Variants in DSCAM observed in about 807,000 individuals in gnomAD.
The protein encoded by DSCAM is cell adhesion molecule DSCAM.
In DSCAM, 47 loss-of-function variants were observed where a neutral mutation model predicts 217.7. That is an observed-to-expected ratio of 0.22 (90% CI 0.17 to 0.28). The LOEUF (loss-of-function observed/expected upper bound fraction) is 0.28. Ranked by LOEUF, DSCAM falls within the 10% of genes least tolerant of loss-of-function variation. DSCAM has a pLI of 1.00. For synonymous variants in DSCAM, 1,056 were observed against 1,015.3 expected (o/e 1.04, Z -0.76); for missense variants, 2,080 against 2,618.3 (o/e 0.79, Z 4.49).
intron 11 of DSCAM, among the ~76,000 whole-genome samples, chr21:40,209,022 G>T (rs2091155501): frequency 6.6e-6 from 1 of 152,204 alleles, no homozygotes; most frequent in African/African-American, 2.4e-5. Flanking sequence ...AAATGAGCGG[G>T]CACTATTTTG....
chr21:40,344,675 C>T (rs551563056), intron 6 of DSCAM, among the ~76,000 whole-genome samples: 2 of 152,228 alleles, frequency 1.3e-5, no homozygotes, highest in Admixed American at 6.5e-5. Flanking sequence ...AATATTTTTC[C>T]TCCCTCAGAT....
rs2098443637 is a variant in DSCAM, at chr21:40,300,030, T to C, written c.2063-3856A>G. 2.0e-5 allele frequency among the ~76,000 whole-genome samples: 3 copies of C among 151,974 alleles called. No homozygotes were observed. In the South Asian group the frequency reaches 6.2e-4, roughly 32 times the overall value. ...CCTCCCAGAATTGCCCTCAAGACAA[T>C]TCTTACTTTGCTTGCTTATTAAAGA... On this transcript the variant is annotated intron_variant, in intron 9 of 32. Transcript: ENST00000400454.
At chr21:40,172,302 G>C (rs980294252) in intron 15 of DSCAM, among the ~76,000 whole-genome samples, 1 of 152,198 alleles carries the variant, frequency 6.6e-6, no homozygotes, top group Non-Finnish European at 1.5e-5. Context: ...AATAAACTCT[G>C]CATTTCTAAG....
At chr21:40,021,416 A>G (rs2088270498) in intron 32 of DSCAM, among the ~76,000 whole-genome samples, 1 of 151,972 alleles carries the variant, frequency 6.6e-6, no homozygotes, top group Admixed American at 6.5e-5. Flanking sequence ...GCCCTTGTGG[A>G]GCTTTAAAGA....
At chr21:40,054,686 G>T (rs2088985842) in intron 29 of DSCAM, among the ~76,000 whole-genome samples, 1 of 152,212 alleles carries the variant, frequency 6.6e-6, no homozygotes, top group South Asian at 2.1e-4. Flanking sequence ...TCAAAAGCTT[G>T]GATAACTTCT....
chr21:40,842,339 C>A (rs931405578), intron 1 of DSCAM, among the ~76,000 whole-genome samples: 2 of 152,206 alleles, frequency 1.3e-5, no homozygotes, highest in African/African-American at 4.8e-5. Context: ...CCGAGGAAAT[C>A]GAAGTGCTCA....
chr21:40,169,170 G>T (rs1322643551), intron 15 of DSCAM, among the ~76,000 whole-genome samples: 1 of 152,130 alleles, frequency 6.6e-6, no homozygotes. Flanking sequence ...GGGATGGGAG[G>T]AGGGCAGAGC....
chr21:40,387,621 C>G (rs1230820940), intron 3 of DSCAM, among the ~76,000 whole-genome samples: 1 of 152,216 alleles, frequency 6.6e-6, no homozygotes, highest in Non-Finnish European at 1.5e-5. Flanking sequence ...TGAAGCTTGA[C>G]TCCTCCCTTC....
chr21:40,271,348 G>A (rs1352612811), intron 11 of DSCAM, among the ~76,000 whole-genome samples: 1 of 152,156 alleles, frequency 6.6e-6, no homozygotes, highest in Non-Finnish European at 1.5e-5. Flanking sequence ...CTGCATGCAG[G>A]GATCAGAAAG....
chr21:40,780,417 G>GTATATA, intron 1 of DSCAM, among the ~76,000 whole-genome samples: 1 of 44,382 alleles, frequency 2.3e-5, no homozygotes, highest in Admixed American at 2.3e-4. Flanking sequence ...GTGTGTGTGT[G>GTATATA]TGTGTGTATA....
At chr21:40,450,289 T>C (rs1208613941) in intron 3 of DSCAM, among the ~76,000 whole-genome samples, 1 of 152,222 alleles carries the variant, frequency 6.6e-6, no homozygotes, top group Non-Finnish European at 1.5e-5. Context: ...TTTAGTTTGC[T>C]GAAGAGGCCG....
chr21:40,578,726 C>G (rs553442523), intron 3 of DSCAM, among the ~76,000 whole-genome samples: 54 of 152,268 alleles, frequency 3.5e-4, no homozygotes, highest in African/African-American at 1.2e-3. Flanking sequence ...CGGCTTCACT[C>G]CTGAAGTCAG....
At position 40,338,321 on chromosome 21, in the gene DSCAM, T is replaced by A; in HGVS notation, c.1563A>T (p.Thr521=). The change falls in exon 8 of 33, where the codon ACA becomes ACT. Residue 521 remains threonine, a synonymous_variant. Transcript: ENST00000400454. ...AGCCAATCACACGACAGTGAATGTATGTGTCCCGTCCTGCTATTGCTGTGA... is the reference window on the plus strand; with the variant it reads ...AGCCAATCACACGACAGTGAATGTAAGTGTCCCGTCCTGCTATTGCTGTGA... ...KNITAIAGRD[T]YIHCRVIGYP... The A allele has an allele frequency of 4.3e-6, 7 of 1,614,262 alleles. No individual in the cohort carries two copies. Among genetic ancestry groups the A allele is most frequent in the African/African-American group, 1.3e-5 (1 of 75,076 alleles).
rs1244882286 is a variant in DSCAM, at chr21:40,444,320, C to G, written c.509-75075G>C. ...GGTCGTGATAGCAGAATGTCTGGAA[C>G]AGAGGTTTTAAATGTTTTTGTGTGG... On this transcript the variant is annotated intron_variant, in intron 3 of 32. Transcript: ENST00000400454. 3.3e-5 allele frequency among the ~76,000 whole-genome samples: 5 copies of G among 152,134 alleles called. No homozygotes were observed. In the South Asian group the frequency reaches 1.0e-3, roughly 32 times the overall value.
chr21:40,580,183 G>A (rs1176974037), intron 3 of DSCAM, among the ~76,000 whole-genome samples: 2 of 151,338 alleles, frequency 1.3e-5, no homozygotes, highest in South Asian at 4.2e-4. Flanking sequence ...CCGAGTTCAA[G>A]CCATTCTCCT....
At chr21:40,416,988 T>C (rs961040702) in intron 3 of DSCAM, among the ~76,000 whole-genome samples, 3 of 152,196 alleles carry the variant, frequency 2.0e-5, no homozygotes, top group Non-Finnish European at 4.4e-5. Context: ...GAACGTGCAA[T>C]GCTCCTTCAA....
intron 3 of DSCAM, among the ~76,000 whole-genome samples, chr21:40,469,141 C>A (rs2075868115): frequency 6.6e-6 from 1 of 152,128 alleles, no homozygotes; most frequent in African/African-American, 2.4e-5. Flanking sequence ...CTATAACAAC[C>A]CCTACCCTGG....
At chr21:40,278,817 T>C (rs2073723351) in intron 10 of DSCAM, among the ~76,000 whole-genome samples, 1 of 152,138 alleles carries the variant, frequency 6.6e-6, no homozygotes, top group Non-Finnish European at 1.5e-5. Flanking sequence ...TCCTAGCATA[T>C]AGTGATAAAT....
At chr21:40,837,214 C>T (rs368112813) in intron 1 of DSCAM, among the ~76,000 whole-genome samples, 6 of 152,142 alleles carry the variant, frequency 3.9e-5, no homozygotes, top group Admixed American at 2.6e-4. Flanking sequence ...CATTTGCCTC[C>T]GCTGCCTCCA....
Sources: gnomAD v4.1 joint callset for allele counts (sites outside exome capture counted in the v4.1 genomes callset) on GRCh38, gnomAD v4.1.1 for gene constraint, MANE v1.5 for transcripts, NCBI Gene and HGNC (gene_info 2026-07-23, HGNC 2026-07-21) for gene names.